The following AGAP1 variants were observed in gnomAD, a reference collection of about 807,000 sequenced individuals.
AGAP1 encodes arf-GAP with GTPase, ANK repeat and PH domain-containing protein 1.
Under a neutral mutation model 105.3 loss-of-function variants are expected in AGAP1, and 29 were observed. The observed-to-expected ratio is 0.28, with a 90% CI of 0.21 to 0.38. AGAP1 has a LOEUF of 0.38. Ranked by LOEUF, AGAP1 falls within the 10% of genes least tolerant of loss-of-function variation. The pLI is 1.00. For missense variants in AGAP1, 998 were observed against 1,165.1 expected (o/e 0.86, Z 2.09); for synonymous variants, 509 against 485.9 (o/e 1.05, Z -0.63).
chr2:235,526,805 T>C lies in AGAP1; in HGVS notation c.163+31956T>C, dbSNP rs934387612. ...TACTTTGGGTTCAGAATAGTTATGA[T>C]TTATGATAAACCTAAAAATTAAAAG... On this transcript the variant is annotated intron_variant, in intron 1 of 17. Transcript: ENST00000304032. Among the ~76,000 whole-genome samples, 3 of 152,140 alleles carry C rather than the reference T, an allele frequency of 2.0e-5. 1 individual carries two copies. In the South Asian group the frequency reaches 6.2e-4, roughly 32 times the overall value.
In AGAP1 at chr2:235,964,908, T is replaced by C. The variant is rs2054328321; in HGVS notation, c.1484-3554T>C. On this transcript the variant is annotated intron_variant, in intron 12 of 17. Coordinates refer to ENST00000304032, the MANE Select transcript of AGAP1 (RefSeq NM_001037131.3). This position sits in a 1 kb window ranked among gnomAD's most constrained non-coding sequence, Gnocchi z 4.6. ...TGCTTAAATGGAGAGCAGGCAGTCA[T>C]GGAGCGGCTTTGTGAAAACAGGCTG... Among the ~76,000 whole-genome samples the C allele has an allele frequency of 6.6e-6, 1 of 152,154 alleles. No homozygotes were observed. Among genetic ancestry groups the C allele is most frequent in the Non-Finnish European group, 1.5e-5 (1 of 68,018 alleles).
intron 1 of AGAP1, among the ~76,000 whole-genome samples, chr2:235,573,908 G>T (rs1028081838): frequency 2.0e-5 from 3 of 152,256 alleles, no homozygotes; most frequent in African/African-American, 7.2e-5. Flanking sequence ...GGCTGGGGCT[G>T]GCTCCTGGCA....
Position 235,958,427 on chromosome 2 carries a change from C to G in AGAP1, c.1484-10035C>G, listed in dbSNP as rs1432685979. ...TACGCCCAGCACCTCCCCCAGCGGACACATTTAGAGACCCTCGGGAGCGCG... is the reference window on the plus strand; with the variant it reads ...TACGCCCAGCACCTCCCCCAGCGGAGACATTTAGAGACCCTCGGGAGCGCG... On this transcript the variant is annotated intron_variant, in intron 12 of 17. Coordinates refer to ENST00000304032, the MANE Select transcript of AGAP1 (RefSeq NM_001037131.3). This position sits in a 1 kb window ranked among gnomAD's most constrained non-coding sequence, Gnocchi z 4.1. 6.6e-6 allele frequency among the ~76,000 whole-genome samples: 1 copy of G among 152,078 alleles called. No homozygotes were observed. The highest frequency in any genetic ancestry group is 2.4e-5 in the African/African-American group (1 of 41,406).
chr2:235,610,716 G>A lies in AGAP1; in HGVS notation c.164-98463G>A, dbSNP rs1054185735. On this transcript the variant is annotated intron_variant, in intron 1 of 17. Coordinates refer to ENST00000304032, the MANE Select transcript of AGAP1 (RefSeq NM_001037131.3). This position sits in a 1 kb window ranked among gnomAD's most constrained non-coding sequence, Gnocchi z 4.9. ...CATTGCAGACCCGCCATCCTCAAAC[G>A]CACTGTGCTCCCGTGAGCTCCCTGC... 6.6e-6 allele frequency among the ~76,000 whole-genome samples: 1 copy of A among 152,096 alleles called. No individual in the cohort carries two copies. Among genetic ancestry groups the A allele is most frequent in the African/African-American group, 2.4e-5 (1 of 41,414 alleles).
chr2:235,657,798 G>T (rs1947822101), intron 1 of AGAP1, among the ~76,000 whole-genome samples: 1 of 152,146 alleles, frequency 6.6e-6, no homozygotes, highest in Non-Finnish European at 1.5e-5. Flanking sequence ...ATTCTATTTG[G>T]AGACAGGTTC....
rs556163643 is a variant in AGAP1, at chr2:235,740,988, C to T, written c.336C>T (p.Val112=). Reference sequence around the variant, plus strand: ...GTGGCAGGTTCAAGAAAGAGATTGTCGTTGATGGACAGAGCTATCTGCTGC... The same window carrying T: ...GTGGCAGGTTCAAGAAAGAGATTGTTGTTGATGGACAGAGCTATCTGCTGC... ...PEGGRFKKEI[V]VDGQSYLLLI... Residue 112 remains valine (V), a synonymous_variant, in exon 4 of 18, where the codon GTC becomes GTT. Coordinates refer to ENST00000304032, the MANE Select transcript of AGAP1 (RefSeq NM_001037131.3). This position sits in a 1 kb window ranked among gnomAD's most constrained non-coding sequence, Gnocchi z 5.7. 9.9e-6 allele frequency: 16 copies of T among 1,614,154 alleles called. No homozygotes were observed. Among genetic ancestry groups the T allele is most frequent in the Middle Eastern group, 1.7e-4 (1 of 6,050 alleles).
chr2:235,678,205 C>T (rs1948862467), intron 1 of AGAP1, among the ~76,000 whole-genome samples: 1 of 152,164 alleles, frequency 6.6e-6, no homozygotes, highest in Non-Finnish European at 1.5e-5. Flanking sequence ...GAATCCCAAC[C>T]TTCTGAGAGT....
intron 11 of AGAP1, among the ~76,000 whole-genome samples, chr2:235,923,435 C>T (rs1002875485): frequency 2.0e-5 from 3 of 152,136 alleles, no homozygotes; most frequent in Non-Finnish European, 2.9e-5. Context: ...GTCATAGCCA[C>T]GTTTACAGGG....
chr2:235,869,420 TA>T (rs35813316), intron 9 of AGAP1, among the ~76,000 whole-genome samples: 14,388 of 47,562 alleles, frequency 0.3, 1,154 homozygotes, highest in Admixed American at 0.4. Context: ...CCATCTCTAC[TA>T]AAAAAAAAAA....
rs1253690204 is a variant in AGAP1, at chr2:235,696,303, C to T, written c.164-12876C>T. On this transcript the variant is annotated intron_variant, in intron 1 of 17. Transcript: ENST00000304032. ...TCGGGTGATCCACCTGCCTCGGCCT[C>T]CCAAAATGTTGGGATTACAGGCGTG... 2.0e-5 allele frequency among the ~76,000 whole-genome samples: 3 copies of T among 152,352 alleles called. No individual in the cohort carries two copies. The South Asian group carries it at 6.2e-4, about 32-fold the overall frequency.
At chr2:235,680,307 G>A (rs1050099046) in intron 1 of AGAP1, among the ~76,000 whole-genome samples, 4 of 152,224 alleles carry the variant, frequency 2.6e-5, no homozygotes, top group African/African-American at 7.2e-5. Flanking sequence ...TTAATTTGGC[G>A]CGGGAGAAGT....
chr2:235,897,332 G>A (rs1241375050), intron 10 of AGAP1, among the ~76,000 whole-genome samples: 1 of 152,134 alleles, frequency 6.6e-6, no homozygotes, highest in Non-Finnish European at 1.5e-5. Context: ...GAACCACCAC[G>A]CCTGACCAAG....
rs2060066955 is a variant in AGAP1 at position 236,130,390 on chromosome 2, T to G, written c.*6268T>G. Reference sequence around the variant, plus strand: ...GGATTGCATGGCCTTTGCCTTGAGATGCAGGTGAAAGAAAGGAACCAAACA... The same window carrying G: ...GGATTGCATGGCCTTTGCCTTGAGAGGCAGGTGAAAGAAAGGAACCAAACA... On this transcript the variant is annotated 3_prime_UTR_variant, in exon 18 of 18. Transcript: ENST00000304032. This position sits in a 1 kb window ranked among gnomAD's most constrained non-coding sequence, Gnocchi z 5.8. 6.6e-6 allele frequency: 1 copy of G among 152,026 alleles called. No homozygotes were observed. Among genetic ancestry groups the G allele is most frequent in the African/African-American group, 2.4e-5 (1 of 41,378 alleles). 9.4% of individuals were successfully genotyped at this position (152,026 alleles called of 1,614,324 possible).
Position 236,124,297 on chromosome 2 carries a change from C to T in AGAP1, c.*175C>T. 1.4e-6 allele frequency: 1 copy of T among 733,456 alleles called. No homozygotes were observed. Among genetic ancestry groups the T allele is most frequent in the Non-Finnish European group, 2.2e-6 (1 of 455,512 alleles). The allele number at this position is 733,456 out of a possible 1,614,324, so 45.4% of individuals were successfully genotyped here. A position where few individuals can be genotyped will look rare whatever the true frequency, so the allele number is the denominator to read the frequency against. ...AAAATCACAAAACCTGGACATCCCT[C>T]AAGGGGCGAAGAGGCGGCCGGGAGA... is the stretch of plus-strand genomic sequence containing the variant. On this transcript the variant is annotated 3_prime_UTR_variant, in exon 18 of 18. Coordinates refer to ENST00000304032, the MANE Select transcript of AGAP1 (RefSeq NM_001037131.3). The surrounding 1 kb of genome is among the most constrained non-coding windows in gnomAD (Gnocchi z 5.1).
At position 235,789,633 on chromosome 2, in the gene AGAP1, A is replaced by T. The variant is rs189571818; in HGVS notation, c.674-8126A>T. On this transcript the variant is annotated intron_variant, in intron 6 of 17. Transcript: ENST00000304032. The surrounding 1 kb of genome is among the most constrained non-coding windows in gnomAD (Gnocchi z 4.2). ...AGAGGGTTGTTTGCTCAAAAAAAAA[A>T]TACATATATATAGTCATATTTTGTG... Among the ~76,000 whole-genome samples the T allele has an allele frequency of 1.3e-5, 2 of 152,122 alleles. No individual in the cohort carries two copies. The highest frequency in any genetic ancestry group is 1.3e-4 in the Admixed American group (2 of 15,292).
chr2:236,094,769 T>G (rs2059151178), intron 16 of AGAP1, among the ~76,000 whole-genome samples: 1 of 151,546 alleles, frequency 6.6e-6, no homozygotes, highest in African/African-American at 2.4e-5. Flanking sequence ...CCCAAAACAA[T>G]GAAAAAGCCT....
intron 6 of AGAP1, among the ~76,000 whole-genome samples, chr2:235,759,245 T>C (rs1954206127): frequency 6.8e-6 from 1 of 147,342 alleles, no homozygotes; most frequent in African/African-American, 2.5e-5. Context: ...CTCAGCTCAC[T>C]GCAAGCTCCA....
chr2:235,552,356 G>T lies in AGAP1; in HGVS notation c.163+57507G>T, dbSNP rs1255528762. Among the ~76,000 whole-genome samples the T allele has an allele frequency of 6.6e-6, 1 of 152,196 alleles. No homozygotes were observed. Among genetic ancestry groups the T allele is most frequent in the South Asian group, 2.1e-4 (1 of 4,830 alleles). On this transcript the variant is annotated intron_variant, in intron 1 of 17. Coordinates refer to ENST00000304032, the MANE Select transcript of AGAP1 (RefSeq NM_001037131.3). The surrounding 1 kb of genome is among the most constrained non-coding windows in gnomAD (Gnocchi z 5.9). ...GAAGCCAGGTTTGGAGTGCTGCCTT[G>T]GTGTCGTTATAATGCAAGTGGGATT...
At chr2:236,106,755 T>C (rs2059506470) in intron 16 of AGAP1, among the ~76,000 whole-genome samples, 3 of 152,148 alleles carry the variant, frequency 2.0e-5, no homozygotes, top group Non-Finnish European at 4.4e-5. Context: ...GGATGGGGTC[T>C]GCAGGTCTCG....
Sources: allele counts gnomAD v4.1 joint callset (sites outside exome capture counted in the v4.1 genomes callset), GRCh38; gene constraint gnomAD v4.1.1; non-coding constraint Gnocchi (gnomAD v3.1); transcripts MANE v1.5; gene names NCBI Gene and HGNC (gene_info 2026-07-23, HGNC 2026-07-21).